AZIN2: variants seen among roughly 807,000 people sequenced by gnomAD.
AZIN2 encodes ODC antizyme inhibitor-2.
A neutral mutation model predicts 47.8 loss-of-function variants in AZIN2; 28 were observed. That is an observed-to-expected ratio of 0.59 (90% CI 0.43 to 0.80). AZIN2 has a LOEUF of 0.80. Ranked by LOEUF, AZIN2 falls within the 30% of genes least tolerant of loss-of-function variation. AZIN2 has a pLI of 0.00. For synonymous variants in AZIN2, 221 were observed against 239.4 expected, an observed-to-expected ratio of 0.92 and a Z score of 0.71; for missense variants, 535 against 582.5, an observed-to-expected ratio of 0.92 and a Z score of 0.84.
chr1:33,146,869 T>G, the AZIN2 span: 1 of 388,604 alleles, frequency 2.6e-6, no homozygotes, highest in South Asian at 3.0e-5. Flanking sequence ...CACTGGAAGG[T>G]AGTCCCCTGC....
chr1:33,082,606 C>T, intron 4 of AZIN2: 1 of 406,588 alleles, frequency 2.5e-6, no homozygotes, highest in Non-Finnish European at 4.5e-6. Flanking sequence ...CCCCCTCTCC[C>T]TCACCGCCCA....
At position 33,093,410 on chromosome 1, in the gene AZIN2, G is replaced by T. The variant is rs753611497; in HGVS notation, c.581G>T (p.Gly194Val). 2.5e-6 allele frequency: 4 copies of T among 1,613,546 alleles called. No homozygotes were observed. In the Admixed American group the frequency reaches 6.7e-5, roughly 27 times the overall value. ...AAGAAGCACCATGTGGAGGTGGTGG[G>T]TGTGAGGTGAGCACTGGGAACCCCT... ...NAKKHHVEVV[G>V]VSFHIGSGCP... Residue 194 changes from glycine (G) to valine (V), a missense_variant, in exon 7 of 12, where the codon GGT (glycine) becomes GTT (valine). Gly to Val is a moderately radical substitution (Grantham distance 109). This residue lies in a region of AZIN2 where 409 missense variants were observed against 429.0 expected (regional missense o/e 0.95). Transcript: ENST00000294517.
At chr1:33,136,578 C>T in the AZIN2 span, among the ~76,000 whole-genome samples, 3 of 151,462 alleles carry the variant, frequency 2.0e-5, no homozygotes, top group South Asian at 6.3e-4. Context: ...CCATGTTGGG[C>T]AGGCTGGTCT....
chr1:33,154,667 G>GT, the AZIN2 span, among the ~76,000 whole-genome samples: 1 of 151,324 alleles, frequency 6.6e-6, no homozygotes, highest in Non-Finnish European at 1.5e-5. Context: ...GTGCAGTGGC[G>GT]TGTGCCTGTA....
the AZIN2 span, among the ~76,000 whole-genome samples, chr1:33,128,728 A>G: frequency 6.6e-6 from 1 of 152,336 alleles, no homozygotes; most frequent in East Asian, 1.9e-4. Flanking sequence ...AGGTCCTATA[A>G]CTTGTCTCTC....
At chr1:33,129,495 C>T in the AZIN2 span, among the ~76,000 whole-genome samples, 1 of 152,130 alleles carries the variant, frequency 6.6e-6, no homozygotes, top group Non-Finnish European at 1.5e-5. The surrounding 1 kb of genome is among the most constrained non-coding windows in gnomAD (Gnocchi z 4.1). Flanking sequence ...AAAATTCTGC[C>T]CCAAAGTGAG....
At chr1:33,163,776 G>A in the AZIN2 span, 1 of 152,444 alleles carries the variant, frequency 6.6e-6, no homozygotes, top group Non-Finnish European at 1.5e-5. Flanking sequence ...AGGCGCAGCA[G>A]GAAAGCCGAG....
the AZIN2 span, among the ~76,000 whole-genome samples, chr1:33,134,483 A>G: frequency 6.9e-4 from 105 of 152,272 alleles, 1 homozygote; most frequent in African/African-American, 2.4e-3. Flanking sequence ...TTGGAAAAGG[A>G]GTAAATGGAG....
intron 10 of AZIN2, among the ~76,000 whole-genome samples, chr1:33,103,479 A>G (rs1483575642): frequency 1.3e-5 from 2 of 152,100 alleles, no homozygotes; most frequent in Non-Finnish European, 2.9e-5. Context: ...CTCAGCTCAG[A>G]TGTCACCTTG....
Position 33,082,310 on chromosome 1 carries a change from G to T in AZIN2, c.61G>T (p.Asp21Tyr). 1.2e-6 allele frequency: 2 copies of T among 1,614,108 alleles called. No individual in the cohort carries two copies. Among genetic ancestry groups the T allele is most frequent in the Non-Finnish European group, 1.7e-6 (2 of 1,180,000 alleles). The change falls in exon 4 of 12, where the codon GAC (aspartate) becomes TAC (tyrosine). Residue 21 changes from aspartate (D) to tyrosine (Y), a missense_variant. Transcript: ENST00000294517. ...GGTGGAGGAGGGCTTCAGTACCCGA[G>T]ACCTGCTGAAGGAACTCACTCTGGG... is the stretch of plus-strand genomic sequence containing the variant. ...VMVEEGFSTRDLLKELTLGAS... is the reference protein window; with the variant it reads ...VMVEEGFSTRYLLKELTLGAS...
At chr1:33,146,864 G>A in the AZIN2 span, 1 of 377,268 alleles carries the variant, frequency 2.7e-6, no homozygotes, top group Non-Finnish European at 4.9e-6. Context: ...GGAGACACTG[G>A]AAGGTAGTCC....
rs762088830 is a variant in AZIN2, at chr1:33,118,079, G to A, written c.1207G>A (p.Ala403Thr). 3.3e-6 allele frequency: 5 copies of A among 1,521,404 alleles called. No homozygotes were observed. The South Asian group carries it at 5.3e-5, about 16-fold the overall frequency. The allele number at this position is 1,521,404 out of a possible 1,614,324, so 94.2% of individuals were successfully genotyped here. A position where few individuals can be genotyped will look rare whatever the true frequency, so the allele number is the denominator to read the frequency against. Residue 403 changes from alanine to threonine, a missense_variant, in exon 11 of 12, where the codon GCC (alanine) becomes ACC (threonine). Physicochemically the swap from Ala to Thr is moderately conservative, Grantham distance 58. Coordinates refer to ENST00000294517, the MANE Select transcript of AZIN2 (RefSeq NM_052998.4). The stretch of plus-strand genomic sequence containing the variant: ...GGGTTCCCCCTTTTGGGGGACCCAG[G>A]CCTGCCACATCACCTATGCCATGTC... ...GMGSPFWGTQACHITYAMSRV... is the reference protein window; with the variant it reads ...GMGSPFWGTQTCHITYAMSRV...
intron 10 of AZIN2, among the ~76,000 whole-genome samples, chr1:33,115,787 AT>A (rs1553166182): frequency 3.9e-5 from 6 of 152,156 alleles, no homozygotes; most frequent in Non-Finnish European, 2.9e-5. Context: ...TTTTCACCTA[AT>A]TTTTTAAAAT....
the AZIN2 span, among the ~76,000 whole-genome samples, chr1:33,134,716 C>G: frequency 6.6e-6 from 1 of 152,238 alleles, no homozygotes; most frequent in Non-Finnish European, 1.5e-5. Flanking sequence ...ACATGCGGGT[C>G]TCTGGGTTCT....
chr1:33,098,219 G>A (rs758442681), intron 10 of AZIN2, 40 bp downstream of exon 10: 1 of 1,386,650 alleles, frequency 7.2e-7, no homozygotes, highest in East Asian at 2.3e-5. Context: ...AGTTGTGTGT[G>A]TGTATTTCAA....
the AZIN2 span, chr1:33,146,715 G>A: frequency 1.6e-5 from 3 of 187,100 alleles, no homozygotes; most frequent in South Asian, 3.4e-4. Context: ...GTGGACTGGG[G>A]TCAAGGGTAA....
chr1:33,147,719 C>T, the AZIN2 span: 12 of 1,609,188 alleles, frequency 7.5e-6, 1 homozygote, highest in South Asian at 7.7e-5. This position sits in a 1 kb window ranked among gnomAD's most constrained non-coding sequence, Gnocchi z 8.1. Context: ...AGGGTTAGGG[C>T]GGCTGGCACT....
At chr1:33,147,456 G>T in the AZIN2 span, 1 of 1,614,026 alleles carries the variant, frequency 6.2e-7, no homozygotes, top group Non-Finnish European at 8.5e-7. This position sits in a 1 kb window ranked among gnomAD's most constrained non-coding sequence, Gnocchi z 8.1. Context: ...AGAAGCCGCG[G>T]CTGGGCTGGA....
chr1:33,096,557 A>G lies in AZIN2; in HGVS notation c.754-150A>G. ...CTCCTACCTTCTTGGCCAGCTGTCC[A>G]CAGTTATCAGCTGGGGCCTTAGCAG... On this transcript the variant is annotated intron_variant, in intron 8 of 11. Transcript: ENST00000294517. 3.2e-6 allele frequency: 3 copies of G among 951,430 alleles called. No individual in the cohort carries two copies. In the South Asian group the frequency reaches 4.7e-5, roughly 15 times the overall value. 58.9% of individuals were successfully genotyped at this position (951,430 alleles called of 1,614,324 possible). A position where few individuals can be genotyped will look rare whatever the true frequency, so the allele number is the denominator to read the frequency against.
Sources: allele counts gnomAD v4.1 joint callset (sites outside exome capture counted in the v4.1 genomes callset), GRCh38; gene constraint gnomAD v4.1.1; regional missense constraint gnomAD v4.1.1; non-coding constraint Gnocchi (gnomAD v3.1); transcripts MANE v1.5; gene names NCBI Gene and HGNC (gene_info 2026-07-23, HGNC 2026-07-21).